The following NDST3 variants were observed in gnomAD, a reference collection of about 807,000 sequenced individuals.
NDST3 encodes the protein bifunctional heparan sulfate N-deacetylase/N-sulfotransferase 3.
A neutral mutation model predicts 96.1 loss-of-function variants in NDST3; 58 were observed. That is an observed-to-expected ratio of 0.60 (90% CI 0.49 to 0.75). The LOEUF is 0.75. NDST3 is among the 30% of genes least tolerant of loss of function. The pLI is 0.00. For synonymous variants in NDST3, 333 were observed against 359.7 expected (o/e 0.93, Z 0.84); for missense variants, 788 against 1,034.2 (o/e 0.76, Z 3.27).
Position 118,224,530 on chromosome 4 carries a change from G to T in NDST3, c.1579G>T (p.Asp527Tyr). 1 of 1,610,492 alleles carries T rather than the reference G, an allele frequency of 6.2e-7. No individual in the cohort carries two copies. The highest frequency in any genetic ancestry group is 8.5e-7 in the Non-Finnish European group (1 of 1,178,366). ...FMTHLSNYGN[D>Y]RLGLYTFVNL... is the part of the protein sequence containing the mutation. ...GACCCATTTGTCCAACTATGGGAAT[G>T]ACCGACTGGGATTATATACATTTGT... is the stretch of plus-strand genomic sequence containing the variant. Residue 527 changes from aspartate to tyrosine, a missense_variant, in exon 7 of 14, where the codon GAC becomes TAC. This residue lies in a region of NDST3 where 490 missense variants were observed against 708.8 expected (regional missense o/e 0.69). Coordinates refer to ENST00000296499, the MANE Select transcript of NDST3 (RefSeq NM_004784.3).
rs186263377 is a variant in NDST3, at chr4:118,209,292, T to C, written c.1540-15199T>C. Among the ~76,000 whole-genome samples the C allele has an allele frequency of 4.6e-5, 7 of 152,326 alleles. No individual in the cohort carries two copies. The East Asian group carries it at 1.3e-3, about 29-fold the overall frequency. Reference sequence around the variant, plus strand: ...TTTTAAATCTATCATAAGAAGTAACTGTATTCATTATTCTGTCACTTTCTA... The same window carrying C: ...TTTTAAATCTATCATAAGAAGTAACCGTATTCATTATTCTGTCACTTTCTA... On this transcript the variant is annotated intron_variant, in intron 6 of 13. Transcript: ENST00000296499.
chr4:118,086,118 A>G (rs1728396947), intron 2 of NDST3, among the ~76,000 whole-genome samples: 1 of 152,208 alleles, frequency 6.6e-6, no homozygotes, highest in South Asian at 2.1e-4. Context: ...CCTGAAAATT[A>G]GGTGACTTTC....
intron 6 of NDST3, among the ~76,000 whole-genome samples, chr4:118,153,192 G>A (rs1002031377): frequency 1.3e-5 from 2 of 152,174 alleles, no homozygotes; most frequent in Non-Finnish European, 2.9e-5. Context: ...TTTGAAGCTT[G>A]CAAAGTCTAA....
intron 2 of NDST3, among the ~76,000 whole-genome samples, chr4:118,063,620 T>A (rs1257086069): frequency 1.3e-5 from 2 of 152,180 alleles, no homozygotes; most frequent in African/African-American, 4.8e-5. Flanking sequence ...CTGTACAGAC[T>A]GCAGTAAGTT....
intron 4 of NDST3, among the ~76,000 whole-genome samples, chr4:118,127,826 T>C (rs1158464608): frequency 6.6e-6 from 1 of 152,196 alleles, no homozygotes; most frequent in South Asian, 2.1e-4. Flanking sequence ...TCCATGAACA[T>C]AGAATATCTT....
At chr4:118,094,688 C>T (rs1729149510) in intron 2 of NDST3, among the ~76,000 whole-genome samples, 1 of 151,784 alleles carries the variant, frequency 6.6e-6, no homozygotes, top group African/African-American at 2.4e-5. Flanking sequence ...ATTCTTTCAG[C>T]AAGACTCTAT....
intron 6 of NDST3, among the ~76,000 whole-genome samples, chr4:118,219,632 A>C (rs1739410250): frequency 6.6e-6 from 1 of 152,182 alleles, no homozygotes; most frequent in African/African-American, 2.4e-5. Flanking sequence ...ATGAGCAAAG[A>C]CTTCATGACT....
chr4:118,189,165 C>G (rs555565711), intron 6 of NDST3, among the ~76,000 whole-genome samples: 15 of 152,206 alleles, frequency 9.9e-5, no homozygotes, highest in Admixed American at 9.2e-4. Flanking sequence ...CCCTCCCACC[C>G]CAGCTTCCCA....
At chr4:118,074,002 T>C (rs1727291822) in intron 2 of NDST3, among the ~76,000 whole-genome samples, 1 of 152,184 alleles carries the variant, frequency 6.6e-6, no homozygotes, top group South Asian at 2.1e-4. Context: ...TTCAAATAGT[T>C]TCCTAATTTC....
chr4:118,215,876 A>G (rs1196394302), intron 6 of NDST3, among the ~76,000 whole-genome samples: 1 of 152,102 alleles, frequency 6.6e-6, no homozygotes, highest in East Asian at 1.9e-4. Flanking sequence ...GATTAGGGAA[A>G]GTAGGGAGAG....
intron 6 of NDST3, among the ~76,000 whole-genome samples, chr4:118,162,442 G>A (rs1735226887): frequency 6.6e-6 from 1 of 151,954 alleles, no homozygotes; most frequent in Non-Finnish European, 1.5e-5. Flanking sequence ...CAGAAATAAT[G>A]CTGCGTATCT....
intron 9 of NDST3, 66 bp downstream of exon 9, chr4:118,233,201 ATATTTAGAAACATC>A (rs2126000675): frequency 7.9e-7 from 1 of 1,271,258 alleles, no homozygotes; most frequent in Non-Finnish European, 1.0e-6. Flanking sequence ...CTTAGCACTA[ATATTTAGAAACATC>A]TAAGTTTGTA....
At chr4:118,068,038 C>T (rs1726739096) in intron 2 of NDST3, among the ~76,000 whole-genome samples, 1 of 151,898 alleles carries the variant, frequency 6.6e-6, no homozygotes, top group African/African-American at 2.4e-5. Flanking sequence ...TGTTTTCAAG[C>T]CATCAGCAGA....
chr4:118,149,408 G>C (rs916693174), intron 6 of NDST3, among the ~76,000 whole-genome samples: 44 of 151,278 alleles, frequency 2.9e-4, no homozygotes, highest in Admixed American at 9.3e-4. Context: ...TCTTCCATTT[G>C]TTTGTATCCT....
In NDST3 at chr4:118,257,359, G is replaced by C. The variant is rs1428307879; in HGVS notation, c.*1647G>C. 2 of 152,074 alleles carry C rather than the reference G, an allele frequency of 1.3e-5. No individual in the cohort carries two copies. Among genetic ancestry groups the C allele is most frequent in the African/African-American group, 4.8e-5 (2 of 41,382 alleles). 9.4% of individuals were successfully genotyped at this position (152,074 alleles called of 1,614,324 possible). A position where few individuals can be genotyped will look rare whatever the true frequency, so the allele number is the denominator to read the frequency against. On this transcript the variant is annotated 3_prime_UTR_variant, in exon 14 of 14. Coordinates refer to ENST00000296499, the MANE Select transcript of NDST3 (RefSeq NM_004784.3). ...TCACCATGTTGACTAGGCTGATCTT[G>C]AACTCCTGACCTCATGATCCACCCA...
chr4:118,200,521 G>C (rs80158408), intron 6 of NDST3, among the ~76,000 whole-genome samples: 8,294 of 152,270 alleles, frequency 0.054, 457 homozygotes, highest in African/African-American at 0.14. Context: ...GGTACCGTGA[G>C]AGCCTACTTG....
At chr4:118,233,247 C>A in intron 9 of NDST3, 112 bp downstream of exon 9, 1 of 962,004 alleles carries the variant, frequency 1.0e-6, no homozygotes, top group East Asian at 3.0e-5. Context: ...AATTTAACCT[C>A]TGTGCCTTGG....
intron 6 of NDST3, among the ~76,000 whole-genome samples, chr4:118,198,001 T>A (rs1737812909): frequency 6.6e-6 from 1 of 152,080 alleles, no homozygotes. Flanking sequence ...GGTTTCACCA[T>A]GTTGGCCAGG....
At chr4:118,103,697 C>T (rs749600975) in intron 2 of NDST3, among the ~76,000 whole-genome samples, 1 of 152,126 alleles carries the variant, frequency 6.6e-6, no homozygotes, top group Non-Finnish European at 1.5e-5. Flanking sequence ...GATGACATTG[C>T]TGTCAGTTCA....
Sources: gnomAD v4.1 joint callset for allele counts (sites outside exome capture counted in the v4.1 genomes callset) on GRCh38, gnomAD v4.1.1 for gene constraint, gnomAD v4.1.1 regional missense constraint, MANE v1.5 for transcripts, NCBI Gene and HGNC (gene_info 2026-07-23, HGNC 2026-07-21) for gene names.